CMSS1: variants seen among roughly 807,000 people sequenced by gnomAD.
CMSS1 encodes the protein cms1 ribosomal small subunit homolog, also known as protein CMSS1.
CMSS1 carries 33 observed loss-of-function variants against 43.5 expected under a neutral mutation model. The observed-to-expected ratio is 0.76, with a 90% confidence interval of 0.57 to 1.01. CMSS1 has a LOEUF of 1.01. Ranked by LOEUF, CMSS1 falls within the 50% of genes least tolerant of loss-of-function variation. CMSS1 has a pLI of 0.00. For synonymous variants in CMSS1, 115 were observed against 117.2 expected, an observed-to-expected ratio of 0.98 and a Z score of 0.12; for missense variants, 313 against 326.4, an observed-to-expected ratio of 0.96 and a Z score of 0.32.
intron 1 of CMSS1, among the ~76,000 whole-genome samples, chr3:99,918,038 C>T (rs1466996662): frequency 1.3e-5 from 2 of 151,982 alleles, no homozygotes; most frequent in Admixed American, 6.6e-5. Flanking sequence ...AGTGCAGTGG[C>T]GTGATCTCGG....
At chr3:99,840,986 T>C (rs1459499335) in intron 1 of CMSS1, among the ~76,000 whole-genome samples, 1 of 152,250 alleles carries the variant, frequency 6.6e-6, no homozygotes, top group Non-Finnish European at 1.5e-5. Context: ...TCTTGTTTCA[T>C]TTCTTTGCCC....
chr3:100,049,475 G>T (rs972201827), intron 1 of CMSS1, among the ~76,000 whole-genome samples: 1 of 152,126 alleles, frequency 6.6e-6, no homozygotes, highest in Admixed American at 6.5e-5. Flanking sequence ...TCTTTTTATT[G>T]ATTGATCTAT....
At position 100,179,160 on chromosome 3, in the gene CMSS1, C is replaced by T. The variant is rs1463491202; in HGVS notation, c.*772C>T. 6.6e-6 allele frequency: 1 copy of T among 152,194 alleles called. No individual in the cohort carries two copies. The highest frequency in any genetic ancestry group is 1.5e-5 in the Non-Finnish European group (1 of 68,052). 9.4% of individuals were successfully genotyped at this position (152,194 alleles called of 1,614,324 possible). A position where few individuals can be genotyped will look rare whatever the true frequency, so the allele number is the denominator to read the frequency against. On this transcript the variant is annotated 3_prime_UTR_variant, in exon 10 of 10. Transcript: ENST00000421999. Reference sequence around the variant, plus strand: ...CAGTCACCTTCCACCAGGTCCCTCCCCCAACATTGGGAATTATAATTCAAC... The same window carrying T: ...CAGTCACCTTCCACCAGGTCCCTCCTCCAACATTGGGAATTATAATTCAAC...
At chr3:100,114,190 G>A (rs1209769733) in intron 1 of CMSS1, 2 of 151,608 alleles carry the variant, frequency 1.3e-5, no homozygotes, top group African/African-American at 4.9e-5. Context: ...TTTTTGTTTT[G>A]TAGGCTTGAA....
chr3:99,921,099 T>C (rs1369356547), intron 1 of CMSS1, among the ~76,000 whole-genome samples: 4 of 152,188 alleles, frequency 2.6e-5, no homozygotes, highest in Admixed American at 2.0e-4. Flanking sequence ...GAAGTAAACA[T>C]TGTTCTTTGA....
intron 1 of CMSS1, chr3:100,010,264 C>T (rs1443813644): frequency 6.4e-6 from 2 of 314,430 alleles, no homozygotes; most frequent in African/African-American, 4.5e-5. Context: ...CAACATTGTC[C>T]TTAGTAGTAT....
chr3:100,095,893 C>T (rs1056519195), intron 1 of CMSS1, among the ~76,000 whole-genome samples: 1 of 151,898 alleles, frequency 6.6e-6, no homozygotes, highest in Non-Finnish European at 1.5e-5. Context: ...TTAATAACTG[C>T]AGTATATAAG....
intron 1 of CMSS1, among the ~76,000 whole-genome samples, chr3:100,014,522 A>G (rs554842215): frequency 6.6e-4 from 100 of 152,294 alleles, no homozygotes; most frequent in Admixed American, 4.6e-3. Context: ...TCTGTTTGAT[A>G]ATAACCATTC....
chr3:99,983,543 A>T (rs1709235639), intron 1 of CMSS1, among the ~76,000 whole-genome samples: 1 of 140,102 alleles, frequency 7.1e-6, no homozygotes, highest in Non-Finnish European at 1.5e-5. Flanking sequence ...GAAAAAAATT[A>T]GCCAGGTGTG....
intron 1 of CMSS1, among the ~76,000 whole-genome samples, chr3:100,109,355 C>T (rs984631234): frequency 7.2e-5 from 11 of 152,078 alleles, no homozygotes; most frequent in Non-Finnish European, 4.4e-5. Flanking sequence ...AGTAAAATTA[C>T]CTCTTATATA....
chr3:99,983,657 T>C (rs1197240381), intron 1 of CMSS1, among the ~76,000 whole-genome samples: 2 of 143,870 alleles, frequency 1.4e-5, no homozygotes, highest in African/African-American at 5.2e-5. Flanking sequence ...GCCACTGCAC[T>C]CCAGCCTGGG....
chr3:100,123,910 A>G (rs148493080), intron 1 of CMSS1, among the ~76,000 whole-genome samples: 1 of 152,220 alleles, frequency 6.6e-6, no homozygotes, highest in East Asian at 1.9e-4. Flanking sequence ...TAAGGTATTC[A>G]ATAAATATTC....
At chr3:99,865,288 T>C (rs1316296782) in intron 1 of CMSS1, among the ~76,000 whole-genome samples, 1 of 152,196 alleles carries the variant, frequency 6.6e-6, no homozygotes, top group Non-Finnish European at 1.5e-5. Flanking sequence ...AGAGCCAGAA[T>C]GCCAGTGTAG....
chr3:99,995,930 G>A (rs957044543), intron 1 of CMSS1, among the ~76,000 whole-genome samples: 19 of 152,204 alleles, frequency 1.2e-4, no homozygotes, highest in African/African-American at 2.4e-4. Context: ...GACTGGAGGG[G>A]CTTGTGTGAA....
intron 1 of CMSS1, among the ~76,000 whole-genome samples, chr3:99,837,758 T>A (rs901023589): frequency 3.9e-5 from 6 of 152,232 alleles, no homozygotes; most frequent in African/African-American, 1.2e-4. Context: ...GTTACAGTGT[T>A]CCTTGAGAAA....
intron 1 of CMSS1, among the ~76,000 whole-genome samples, chr3:99,902,500 T>C (rs1039644398): frequency 1.3e-5 from 2 of 152,212 alleles, no homozygotes; most frequent in African/African-American, 4.8e-5. Context: ...TATCTTGATA[T>C]ATAAGGGTAT....
chr3:100,075,557 TTC>T (rs2107387049), intron 1 of CMSS1: 1 of 152,002 alleles, frequency 6.6e-6, no homozygotes, highest in South Asian at 2.1e-4. Flanking sequence ...GTCTTCTCTT[TTC>T]TTTTTCTTTT....
At chr3:99,878,308 A>G (rs529501988) in intron 1 of CMSS1, among the ~76,000 whole-genome samples, 2 of 152,340 alleles carry the variant, frequency 1.3e-5, no homozygotes, top group East Asian at 3.9e-4. Context: ...GCATTTCATC[A>G]TTTAATCTTC....
intron 1 of CMSS1, among the ~76,000 whole-genome samples, chr3:99,954,782 C>A (rs1708272391): frequency 1.3e-5 from 2 of 151,560 alleles, no homozygotes; most frequent in East Asian, 3.9e-4. Context: ...GCTGAGATCA[C>A]ACCACTGCAC....
Sources: gnomAD v4.1 joint callset for allele counts (sites outside exome capture counted in the v4.1 genomes callset) on GRCh38, gnomAD v4.1.1 for gene constraint, MANE v1.5 for transcripts, NCBI Gene and HGNC (gene_info 2026-07-23, HGNC 2026-07-21) for gene names.